TMEM132D: variants seen among roughly 807,000 people sequenced by gnomAD.
TMEM132D encodes the protein transmembrane protein 132D, also known as mature OL transmembrane protein.
Under a neutral mutation model 62.3 loss-of-function variants are expected in TMEM132D, and 21 were observed. The ratio of observed to expected loss-of-function variants is 0.34; its 90% CI spans 0.24 to 0.49. The LOEUF (loss-of-function observed/expected upper bound fraction) is 0.49. Ranked by LOEUF, TMEM132D falls within the 20% of genes least tolerant of loss-of-function variation. The pLI is 0.99. For synonymous variants in TMEM132D, 621 were observed against 575.6 expected (o/e 1.08, Z -1.13); for missense variants, 1,346 against 1,402.8 (o/e 0.96, Z 0.65).
intron 2 of TMEM132D, among the ~76,000 whole-genome samples, chr12:129,543,660 T>C (rs1876653908): frequency 6.6e-6 from 1 of 152,196 alleles, no homozygotes; most frequent in Non-Finnish European, 1.5e-5. Context: ...AATGGTGCCA[T>C]GGGTGGTCCA....
At chr12:129,327,371 A>G (rs985191816) in intron 4 of TMEM132D, among the ~76,000 whole-genome samples, 5 of 152,126 alleles carry the variant, frequency 3.3e-5, no homozygotes, top group Admixed American at 2.6e-4. Flanking sequence ...CCCCCAGCCA[A>G]ACTTTTAGAT....
chr12:129,414,129 C>T (rs756599510), intron 3 of TMEM132D, among the ~76,000 whole-genome samples: 15 of 152,176 alleles, frequency 9.9e-5, no homozygotes, highest in South Asian at 2.1e-4. Context: ...ATAAAGTGGG[C>T]GGCTGTGTTA....
At chr12:129,098,909 T>C (rs2135633941) in intron 5 of TMEM132D, among the ~76,000 whole-genome samples, 1 of 152,282 alleles carries the variant, frequency 6.6e-6, no homozygotes, top group South Asian at 2.1e-4. Flanking sequence ...TAATCCTCTG[T>C]CTCCCTTAAA....
chr12:129,717,316 A>G (rs939366653), intron 1 of TMEM132D, among the ~76,000 whole-genome samples: 2 of 152,160 alleles, frequency 1.3e-5, no homozygotes, highest in Admixed American at 6.5e-5. Flanking sequence ...TTCATATTTG[A>G]CACATGGATT....
chr12:129,529,657 T>C (rs989072889), intron 3 of TMEM132D, among the ~76,000 whole-genome samples: 6 of 152,182 alleles, frequency 3.9e-5, no homozygotes, highest in African/African-American at 1.4e-4. Context: ...CCCCTAAATT[T>C]ATTATTTTCT....
chr12:129,401,672 A>C (rs944622675), intron 3 of TMEM132D, among the ~76,000 whole-genome samples: 3 of 152,160 alleles, frequency 2.0e-5, no homozygotes, highest in Admixed American at 2.0e-4. Context: ...CCACTTTGCA[A>C]ATAAGGAAGT....
chr12:129,815,573 C>A (rs549711616), intron 1 of TMEM132D, among the ~76,000 whole-genome samples: 3 of 152,312 alleles, frequency 2.0e-5, no homozygotes, highest in African/African-American at 7.2e-5. Context: ...TATTTTAAAT[C>A]AGACCATTGC....
At chr12:129,381,769 T>A (rs75773183) in intron 3 of TMEM132D, among the ~76,000 whole-genome samples, 3,429 of 152,226 alleles carry the variant, frequency 0.023, 123 homozygotes, top group African/African-American at 0.078. Context: ...GTATGGAGCT[T>A]GACAAATTTG....
chr12:129,763,050 G>GA (rs1319195982), intron 1 of TMEM132D, among the ~76,000 whole-genome samples: 2 of 152,178 alleles, frequency 1.3e-5, no homozygotes, highest in Non-Finnish European at 2.9e-5. Flanking sequence ...AAATCAGAGA[G>GA]TGTAAACTGG....
At chr12:129,693,047 G>C (rs1881101560) in intron 2 of TMEM132D, among the ~76,000 whole-genome samples, 1 of 151,982 alleles carries the variant, frequency 6.6e-6, no homozygotes, top group African/African-American at 2.4e-5. Context: ...TTTTGATAAA[G>C]AAAAAACTCT....
intron 2 of TMEM132D, among the ~76,000 whole-genome samples, chr12:129,655,933 C>T (rs1880060523): frequency 6.6e-6 from 1 of 152,142 alleles, no homozygotes. Flanking sequence ...GGAAATACAA[C>T]CTGAAGTGAC....
chr12:129,278,425 C>T (rs541584797), intron 4 of TMEM132D, among the ~76,000 whole-genome samples: 3 of 152,248 alleles, frequency 2.0e-5, no homozygotes, highest in South Asian at 2.1e-4. Flanking sequence ...AGCAAGGAAG[C>T]GACTGGTTCA....
At chr12:129,720,687 C>T (rs61945201) in intron 1 of TMEM132D, among the ~76,000 whole-genome samples, 4,140 of 152,284 alleles carry the variant, frequency 0.027, 78 homozygotes, top group Middle Eastern at 0.041. Flanking sequence ...CACACCTCCC[C>T]AGTCATCGTC....
intron 1 of TMEM132D, among the ~76,000 whole-genome samples, chr12:129,803,717 C>A (rs1312853487): frequency 4.0e-5 from 6 of 151,408 alleles, no homozygotes; most frequent in Non-Finnish European, 8.8e-5. Flanking sequence ...AAGAGAGACA[C>A]AAAAAACCCT....
At chr12:129,103,816 C>T (rs941453106) in intron 5 of TMEM132D, among the ~76,000 whole-genome samples, 13 of 151,802 alleles carry the variant, frequency 8.6e-5, no homozygotes, top group Non-Finnish European at 1.0e-4. Flanking sequence ...ATAAAATACC[C>T]AGGAATCCAA....
At chr12:129,259,238 T>C (rs1466423293) in intron 4 of TMEM132D, among the ~76,000 whole-genome samples, 3 of 152,194 alleles carry the variant, frequency 2.0e-5, no homozygotes, top group African/African-American at 7.2e-5. Context: ...GGATCTAGGC[T>C]GAGCATCAGC....
chr12:129,075,350 T>G (rs1214266849), intron 8 of TMEM132D, among the ~76,000 whole-genome samples: 3 of 151,316 alleles, frequency 2.0e-5, no homozygotes, highest in Admixed American at 1.3e-4. Flanking sequence ...GGTGTTGTTA[T>G]AAAAGGAAGA....
chr12:129,162,052 AG>A (rs1877414726), intron 5 of TMEM132D, among the ~76,000 whole-genome samples: 1 of 152,076 alleles, frequency 6.6e-6, no homozygotes, highest in Non-Finnish European at 1.5e-5. Flanking sequence ...ATAATGGGTG[AG>A]GGTTATGGGC....
Position 129,507,305 on chromosome 12 carries a change from T to G in TMEM132D, c.1115+23754A>C, listed in dbSNP as rs182813472. Among the ~76,000 whole-genome samples the G allele has an allele frequency of 4.8e-4, 73 of 152,264 alleles. No individual in the cohort carries two copies. The East Asian group carries it at 8.9e-3, about 19-fold the overall frequency. On this transcript the variant is annotated intron_variant, in intron 3 of 8. Coordinates refer to ENST00000422113, the MANE Select transcript of TMEM132D (RefSeq NM_133448.3). ...AACACTATGCAAAAAAGTGTGGAGA[T>G]TCCTTAAAGAACTAAAAGTAGAACT...
Sources: gnomAD v4.1 joint callset for allele counts (sites outside exome capture counted in the v4.1 genomes callset) on GRCh38, gnomAD v4.1.1 for gene constraint, MANE v1.5 for transcripts, NCBI Gene and HGNC (gene_info 2026-07-23, HGNC 2026-07-21) for gene names.